DCBLD1: variants seen among roughly 807,000 people sequenced by gnomAD.
The protein encoded by DCBLD1 is discoidin, CUB and LCCL domain containing 1.
DCBLD1 carries 57 observed loss-of-function variants against 71.5 expected under a neutral mutation model. The ratio of observed to expected loss-of-function variants is 0.80; its 90% confidence interval spans 0.64 to 0.99. The LOEUF (loss-of-function observed/expected upper bound fraction) is 0.99, where lower values mean the gene tolerates loss of function less well. Ranked by LOEUF, DCBLD1 falls within the 50% of genes least tolerant of loss-of-function variation. The probability of loss-of-function intolerance (pLI) is 0.00; values close to 1 mark genes in which losing one functional copy is unlikely to be tolerated. For synonymous variants in DCBLD1, 380 were observed against 363.8 expected (o/e 1.04, Z -0.51); for missense variants, 891 against 923.5 (o/e 0.96, Z 0.46).
In DCBLD1 at chr6:117,513,824, G is replaced by A. The variant is rs79527037; in HGVS notation, c.326-5992G>A. On this transcript the variant is annotated intron_variant, in intron 2 of 14. Coordinates refer to ENST00000338728, the MANE Select transcript of DCBLD1 (RefSeq NM_001366458.2). ...ACCACAATCAAAGTTAGAAGTCACCGCGCTCTCATGTGGGTTTCCAGTGAA... is the reference window on the plus strand; with the variant it reads ...ACCACAATCAAAGTTAGAAGTCACCACGCTCTCATGTGGGTTTCCAGTGAA... 5.9e-5 allele frequency among the ~76,000 whole-genome samples: 9 copies of A among 152,290 alleles called. No individual in the cohort carries two copies. In the South Asian group the frequency reaches 1.2e-3, roughly 21 times the overall value.
intron 1 of DCBLD1, among the ~76,000 whole-genome samples, chr6:117,489,089 G>A (rs1262810555): frequency 1.3e-5 from 2 of 152,186 alleles, no homozygotes; most frequent in Non-Finnish European, 2.9e-5. Flanking sequence ...ATCTGAGGCT[G>A]GGAAATTTAT....
chr6:117,485,133 C>T (rs146202760), intron 1 of DCBLD1: 5 of 152,242 alleles, frequency 3.3e-5, no homozygotes, highest in Non-Finnish European at 7.4e-5. Context: ...TGTATAAATT[C>T]GTAGGTTTGG....
At chr6:117,539,201 T>A (rs1286902386) in intron 8 of DCBLD1, 54 bp from the exon 9 acceptor site, 1 of 1,409,878 alleles carries the variant, frequency 7.1e-7, no homozygotes, top group Non-Finnish European at 9.5e-7. Flanking sequence ...TTATAATAGA[T>A]GTTATATTTA....
At chr6:117,567,614 T>C (rs1333108629) in intron 14 of DCBLD1, among the ~76,000 whole-genome samples, 1 of 152,082 alleles carries the variant, frequency 6.6e-6, no homozygotes, top group Non-Finnish European at 1.5e-5. Flanking sequence ...ACAGACATAG[T>C]GTTAATCAAG....
intron 2 of DCBLD1, among the ~76,000 whole-genome samples, chr6:117,511,040 A>T (rs961231162): frequency 3.3e-5 from 5 of 152,114 alleles, no homozygotes; most frequent in South Asian, 2.1e-4. Context: ...ACTTAGCGGG[A>T]CCTGGGATTC....
intron 2 of DCBLD1, among the ~76,000 whole-genome samples, chr6:117,509,592 A>G (rs1319713017): frequency 6.6e-6 from 1 of 151,776 alleles, no homozygotes; most frequent in Non-Finnish European, 1.5e-5. Context: ...CTGCCCCTCT[A>G]CTTTACTCTT....
chr6:117,489,123 C>T (rs561852378), intron 1 of DCBLD1, among the ~76,000 whole-genome samples: 20 of 152,252 alleles, frequency 1.3e-4, no homozygotes, highest in Non-Finnish European at 2.8e-4. Context: ...GTATTTGGCT[C>T]AAGTTTCTGC....
intron 1 of DCBLD1, chr6:117,484,971 G>T (rs955818075): frequency 6.6e-6 from 1 of 152,258 alleles, no homozygotes. Flanking sequence ...CAGGCATTGG[G>T]GTTTAGTGGC....
At chr6:117,485,831 A>G (rs1261469415) in intron 1 of DCBLD1, among the ~76,000 whole-genome samples, 1 of 152,216 alleles carries the variant, frequency 6.6e-6, no homozygotes, top group African/African-American at 2.4e-5. Flanking sequence ...CTCTCTTGGC[A>G]TGCTTATTTC....
intron 9 of DCBLD1, 141 bp downstream of exon 9, chr6:117,539,520 C>A: frequency 1.0e-6 from 1 of 958,222 alleles, no homozygotes; most frequent in Non-Finnish European, 1.4e-6. Flanking sequence ...AATCCCCAAG[C>A]TTTGGGAAGC....
At chr6:117,484,968 T>G (rs1160749921) in intron 1 of DCBLD1, 2 of 152,282 alleles carry the variant, frequency 1.3e-5, no homozygotes, top group African/African-American at 4.8e-5. Flanking sequence ...GTCCAGGCAT[T>G]GGGGTTTAGT....
At chr6:117,563,080 A>T (rs1375471708) in intron 14 of DCBLD1, 17 of 589,892 alleles carry the variant, frequency 2.9e-5, no homozygotes, top group Non-Finnish European at 4.5e-5. Flanking sequence ...GGTCTACCAC[A>T]GAAAACAGGG....
At chr6:117,565,631 T>G (rs1291616479) in intron 14 of DCBLD1, among the ~76,000 whole-genome samples, 1 of 152,188 alleles carries the variant, frequency 6.6e-6, no homozygotes, top group Non-Finnish European at 1.5e-5. Context: ...ATCAATCTCA[T>G]CAGAAAAGCT....
At chr6:117,515,036 T>A (rs77016321) in intron 2 of DCBLD1, among the ~76,000 whole-genome samples, 173 of 151,602 alleles carry the variant, frequency 1.1e-3, no homozygotes, top group African/African-American at 4.0e-3. Context: ...TTTTTTTTTT[T>A]TGAGACGGAG....
At chr6:117,531,832 G>C (rs1400658173) in intron 5 of DCBLD1, among the ~76,000 whole-genome samples, 1 of 152,164 alleles carries the variant, frequency 6.6e-6, no homozygotes, top group Non-Finnish European at 1.5e-5. Flanking sequence ...AACTGGATCT[G>C]TTATCGATTT....
At chr6:117,567,006 T>A (rs745706035) in intron 14 of DCBLD1, 10 of 1,596,476 alleles carry the variant, frequency 6.3e-6, no homozygotes, top group Non-Finnish European at 1.7e-6. Context: ...AGGAGCCACA[T>A]AAACTACTTC....
chr6:117,514,357 A>G (rs1472763500), intron 2 of DCBLD1, among the ~76,000 whole-genome samples: 1 of 152,172 alleles, frequency 6.6e-6, no homozygotes, highest in Non-Finnish European at 1.5e-5. Context: ...TAATCCCAGC[A>G]CTTTGAGGAG....
intron 7 of DCBLD1, among the ~76,000 whole-genome samples, chr6:117,537,770 T>C (rs555486343): frequency 8.6e-5 from 12 of 140,256 alleles, no homozygotes; most frequent in Middle Eastern, 4.0e-3. Flanking sequence ...TCAGCCACCC[T>C]CACCAAATCT....
chr6:117,498,307 C>A (rs1333997095), intron 1 of DCBLD1, among the ~76,000 whole-genome samples: 1 of 152,082 alleles, frequency 6.6e-6, no homozygotes, highest in African/African-American at 2.4e-5. Context: ...TACAGAGAGA[C>A]CACCCTGGAA....
Sources: gnomAD v4.1 joint callset for allele counts (sites outside exome capture counted in the v4.1 genomes callset) on GRCh38, gnomAD v4.1.1 for gene constraint, MANE v1.5 for transcripts, NCBI Gene and HGNC (gene_info 2026-07-23, HGNC 2026-07-21) for gene names.